The following MAU2 variants were observed in gnomAD, a reference collection of about 807,000 sequenced individuals.
The protein encoded by MAU2 is MAU2 sister chromatid cohesion factor.
A neutral mutation model predicts 89.1 loss-of-function variants in MAU2; 9 were observed. The observed-to-expected ratio is 0.10, with a 90% CI of 0.06 to 0.18. The LOEUF is 0.18. MAU2 is among the 10% of genes least tolerant of loss of function. The probability of loss-of-function intolerance (pLI) is 1.00; values close to 1 mark genes in which losing one functional copy is unlikely to be tolerated. For synonymous variants in MAU2, 357 were observed against 343.4 expected (o/e 1.04, Z -0.44); for missense variants, 425 against 803.5 (o/e 0.53, Z 5.69).
chr19:19,354,282 C>A, intron 16 of MAU2, 73 bp from the exon 17 acceptor site: 1 of 1,194,902 alleles, frequency 8.4e-7, no homozygotes, highest in Non-Finnish European at 1.2e-6. Flanking sequence ...AGATTATCCC[C>A]ACCCCAACCT....
chr19:19,341,954 G>A (rs7250368), intron 7 of MAU2, among the ~76,000 whole-genome samples: 34,985 of 152,118 alleles, frequency 0.23, 4,525 homozygotes, highest in South Asian at 0.35. Context: ...CACCCCTGTC[G>A]CAGTGGGCCA....
intron 1 of MAU2, chr19:19,334,590 C>T: frequency 1.0e-6 from 1 of 985,496 alleles, no homozygotes; most frequent in Non-Finnish European, 1.2e-6. Context: ...TCTGAAAACT[C>T]CCATCTGGGC....
intron 1 of MAU2, among the ~76,000 whole-genome samples, chr19:19,328,037 G>C (rs1195652075): frequency 6.6e-6 from 1 of 151,888 alleles, no homozygotes; most frequent in East Asian, 1.9e-4. Context: ...GCTCACATCT[G>C]TAGTCCTAGC....
At position 19,339,306 on chromosome 19, in the gene MAU2, G is replaced by A. The variant is rs2061621414; in HGVS notation, c.551+367G>A. On this transcript the variant is annotated intron_variant, in intron 5 of 18. Coordinates refer to ENST00000262815, the MANE Select transcript of MAU2 (RefSeq NM_015329.4). ...TACTAAAAATACAAAAATTAGCTGG[G>A]CGTGGTGGTGGGTACCTGTAATCCC... 2.0e-5 allele frequency among the ~76,000 whole-genome samples: 3 copies of A among 152,226 alleles called. No homozygotes were observed. In the South Asian group the frequency reaches 6.2e-4, roughly 32 times the overall value.
intron 13 of MAU2, 35 bp downstream of exon 13, chr19:19,347,401 C>G: frequency 2.6e-6 from 4 of 1,531,938 alleles, no homozygotes; most frequent in Non-Finnish European, 3.6e-6. Context: ...TATCCTTTCT[C>G]TCTGTTCTCT....
rs1234025957 is a variant in MAU2 at position 19,355,770 on chromosome 19, C to A, written c.1830C>A (p.Ala610=). ...AGAATGGACCCAACACCAGCCTGGC[C>A]AGCCTCCTGTGAGGCCTTGATGGGG... The part of the protein sequence containing the change: ...QAQNGPNTSL[A]SLL Residue 610 remains alanine (A), a synonymous_variant, in exon 19 of 19, where the codon GCC becomes GCA. Coordinates refer to ENST00000262815, the MANE Select transcript of MAU2 (RefSeq NM_015329.4). The A allele has an allele frequency of 6.2e-7, 1 of 1,607,998 alleles. No homozygotes were observed. The highest frequency in any genetic ancestry group is 2.2e-5 in the East Asian group (1 of 44,876).
chr19:19,323,734 T>A (rs1343891475), intron 1 of MAU2, among the ~76,000 whole-genome samples: 1 of 152,164 alleles, frequency 6.6e-6, no homozygotes, highest in Non-Finnish European at 1.5e-5. Flanking sequence ...TCCACCTGCC[T>A]CAGCCTCCCA....
chr19:19,321,286 C>G, intron 1 of MAU2, 151 bp downstream of exon 1: 1 of 965,790 alleles, frequency 1.0e-6, no homozygotes, highest in Non-Finnish European at 1.4e-6. Flanking sequence ...CCGCCTCTGC[C>G]GGACCCCAAA....
chr19:19,322,740 T>C (rs1420130503), intron 1 of MAU2, among the ~76,000 whole-genome samples: 1 of 151,506 alleles, frequency 6.6e-6, no homozygotes, highest in African/African-American at 2.4e-5. Flanking sequence ...TAGAAAATTA[T>C]TGAAAAGAAT....
At chr19:19,338,802 G>T in intron 4 of MAU2, 43 bp from the exon 5 acceptor site, 1 of 1,489,946 alleles carries the variant, frequency 6.7e-7, no homozygotes, top group South Asian at 1.2e-5. Context: ...CCGTAAAACT[G>T]ATGGGTTTGG....
chr19:19,351,024 T>G (rs1446768730), intron 16 of MAU2, among the ~76,000 whole-genome samples: 1 of 152,014 alleles, frequency 6.6e-6, no homozygotes, highest in Non-Finnish European at 1.5e-5. Flanking sequence ...GGCAACCTAG[T>G]GAGACCCTCT....
chr19:19,322,333 T>C (rs2061467268), intron 1 of MAU2, among the ~76,000 whole-genome samples: 1 of 152,156 alleles, frequency 6.6e-6, no homozygotes, highest in Non-Finnish European at 1.5e-5. Flanking sequence ...GCTCAGTGGC[T>C]TATGTCTGTA....
intron 2 of MAU2, 36 bp downstream of exon 2, chr19:19,335,771 A>T (rs755482713): frequency 2.5e-6 from 4 of 1,607,272 alleles, no homozygotes; most frequent in Non-Finnish European, 3.4e-6. Context: ...CCCTTTAAGG[A>T]ATTCTCCACT....
chr19:19,336,375 C>T (rs1379561711), intron 3 of MAU2, among the ~76,000 whole-genome samples, 188 bp downstream of exon 3: 5 of 152,124 alleles, frequency 3.3e-5, no homozygotes, highest in African/African-American at 9.7e-5. Flanking sequence ...TCATGGCTCA[C>T]CGCAGCCTTA....
chr19:19,336,661 A>G (rs1989867), intron 3 of MAU2, among the ~76,000 whole-genome samples: 128,122 of 152,228 alleles, frequency 0.84, 54,053 homozygotes, highest in East Asian at 1. Flanking sequence ...AAGGAGGGCC[A>G]GCAGCTTCCT....
Position 19,345,766 on chromosome 19 carries a change from G to C in MAU2, c.1221+397G>C, listed in dbSNP as rs1413513140. ...AGTGGTGGAGCTGGGCCATCTCCCAGGTGCTCTTTGGACAGAGGAGGACTC... is the reference window on the plus strand; with the variant it reads ...AGTGGTGGAGCTGGGCCATCTCCCACGTGCTCTTTGGACAGAGGAGGACTC... On this transcript the variant is annotated intron_variant, in intron 12 of 18. Transcript: ENST00000262815. This position sits in a 1 kb window ranked among gnomAD's most constrained non-coding sequence, Gnocchi z 4.9. Among the ~76,000 whole-genome samples, 1 of 152,182 alleles carries C rather than the reference G, an allele frequency of 6.6e-6. No individual in the cohort carries two copies. The highest frequency in any genetic ancestry group is 1.5e-5 in the Non-Finnish European group (1 of 68,020).
In MAU2 at chr19:19,358,039, G is replaced by A. The variant is rs536390352; in HGVS notation, c.*2257G>A. On this transcript the variant is annotated 3_prime_UTR_variant, in exon 19 of 19. Transcript: ENST00000262815. Reference sequence around the variant, plus strand: ...TTGAGGCTGCAGTGAGCATGATCGCGACACTGCACTCCAGCCTGGGTGACG... The same window carrying A: ...TTGAGGCTGCAGTGAGCATGATCGCAACACTGCACTCCAGCCTGGGTGACG... 2.7e-5 allele frequency: 4 copies of A among 146,370 alleles called. No individual in the cohort carries two copies. In the South Asian group the frequency reaches 6.5e-4, roughly 24 times the overall value. 9.1% of individuals were successfully genotyped at this position (146,370 alleles called of 1,614,324 possible).
At position 19,338,163 on chromosome 19, in the gene MAU2, TC is replaced by T. The variant is rs2061612547; in HGVS notation, c.457-677del. On this transcript the variant is annotated intron_variant, in intron 4 of 18. Coordinates refer to ENST00000262815, the MANE Select transcript of MAU2 (RefSeq NM_015329.4). Reference sequence around the variant, plus strand: ...GAGAAAAGTACGCACAGGGAAGAGCTCCCCCAGCAGCCAGGAGTTCCCGAGG... The same window carrying T: ...GAGAAAAGTACGCACAGGGAAGAGCTCCCCAGCAGCCAGGAGTTCCCGAGG... 2.6e-5 allele frequency among the ~76,000 whole-genome samples: 4 copies of T among 152,074 alleles called. 1 individual carries two copies. The South Asian group carries it at 8.3e-4, about 32-fold the overall frequency.
At chr19:19,332,355 C>T (rs1171433369) in intron 1 of MAU2, among the ~76,000 whole-genome samples, 3 of 117,922 alleles carry the variant, frequency 2.5e-5, no homozygotes, top group African/African-American at 6.5e-5. Flanking sequence ...TTTTTTAGAG[C>T]GAGAGACAGG....
Sources: gnomAD v4.1 joint callset for allele counts (sites outside exome capture counted in the v4.1 genomes callset) on GRCh38, gnomAD v4.1.1 for gene constraint, Gnocchi (gnomAD v3.1) non-coding constraint, MANE v1.5 for transcripts, NCBI Gene and HGNC (gene_info 2026-07-23, HGNC 2026-07-21) for gene names.